The following ASTN1 variants were observed in gnomAD, a reference collection of about 807,000 sequenced individuals.
ASTN1 encodes the protein astrotactin-1.
ASTN1 carries 41 observed loss-of-function variants against 140.7 expected under a neutral mutation model. The ratio of observed to expected loss-of-function variants is 0.29; its 90% CI spans 0.23 to 0.38. The LOEUF is 0.38. ASTN1 is among the 10% of genes least tolerant of loss of function. The probability of loss-of-function intolerance (pLI) is 1.00; values close to 1 mark genes in which losing one functional copy is unlikely to be tolerated. For missense variants in ASTN1, 1,479 were observed against 1,678.8 expected (o/e 0.88, Z 2.08); for synonymous variants, 640 against 652.2 (o/e 0.98, Z 0.29).
At chr1:177,098,732 T>C (rs1467164180) in intron 1 of ASTN1, among the ~76,000 whole-genome samples, 1 of 152,210 alleles carries the variant, frequency 6.6e-6, no homozygotes, top group African/African-American at 2.4e-5. Context: ...TGTGATAAAC[T>C]AATCCCCATT....
intron 8 of ASTN1, among the ~76,000 whole-genome samples, chr1:176,997,407 A>G (rs1674505159): frequency 6.6e-6 from 1 of 152,094 alleles, no homozygotes; most frequent in Admixed American, 6.5e-5. Context: ...TTCCCTTCAG[A>G]TTCAAGTTTC....
At chr1:176,869,662 G>C (rs1196932588) in intron 21 of ASTN1, among the ~76,000 whole-genome samples, 2 of 152,138 alleles carry the variant, frequency 1.3e-5, no homozygotes, top group Non-Finnish European at 2.9e-5. Flanking sequence ...GTCATTCAGG[G>C]GTAGAAGGAA....
Position 176,862,775 on chromosome 1 carries a change from C to T in ASTN1, c.*1509G>A. On this transcript the variant is annotated 3_prime_UTR_variant, in exon 23 of 23. Coordinates refer to ENST00000361833, the MANE Select transcript of ASTN1 (RefSeq NM_004319.3). ...AATTCAATGATACCTAAAGTGCTTA[C>T]ATCAGCGCCTGGCATACAGCAAGCA... The T allele has an allele frequency of 1.0e-6, 1 of 975,872 alleles. No homozygotes were observed. The highest frequency in any genetic ancestry group is 1.2e-6 in the Non-Finnish European group (1 of 821,258). The allele number at this position is 975,872 out of a possible 1,614,324, so 60.5% of individuals were successfully genotyped here.
At chr1:176,995,046 G>C (rs1457771362) in intron 8 of ASTN1, among the ~76,000 whole-genome samples, 1 of 152,150 alleles carries the variant, frequency 6.6e-6, no homozygotes, top group Non-Finnish European at 1.5e-5. Flanking sequence ...TCTCTTTTGT[G>C]GATTGAGAGA....
intron 8 of ASTN1, among the ~76,000 whole-genome samples, chr1:176,975,065 C>T (rs925369165): frequency 2.6e-5 from 4 of 152,212 alleles, no homozygotes; most frequent in African/African-American, 9.6e-5. Flanking sequence ...TCTGTCCCCA[C>T]ATGGGAGAAG....
intron 21 of ASTN1, among the ~76,000 whole-genome samples, chr1:176,871,916 T>C (rs1355851331): frequency 1.3e-5 from 2 of 152,092 alleles, no homozygotes; most frequent in Non-Finnish European, 2.9e-5. Flanking sequence ...AAGATGCAGG[T>C]GAAAATATGG....
chr1:177,086,823 G>A (rs1366350010), intron 1 of ASTN1, among the ~76,000 whole-genome samples: 1 of 152,042 alleles, frequency 6.6e-6, no homozygotes. Context: ...ATTGTTCCAT[G>A]TTCAATAAAT....
Position 177,164,512 on chromosome 1 carries a change from G to A in ASTN1, c.165C>T (p.Ile55=). Residue 55 remains isoleucine, a synonymous_variant, in exon 1 of 23, where the codon ATC becomes ATT. Coordinates refer to ENST00000361833, the MANE Select transcript of ASTN1 (RefSeq NM_004319.3). ...GCTCCGAGGCCGAGGGGCTGTGCAT[G>A]ATGCTCAGGTCGTTCTCGCGCAGGA... is the stretch of plus-strand genomic sequence containing the variant. ...LPFLRENDLS[I]MHSPSASEPK... is the part of the protein sequence containing the mutation. The A allele has an allele frequency of 6.2e-7, 1 of 1,613,958 alleles. No individual in the cohort carries two copies. Among genetic ancestry groups the A allele is most frequent in the Non-Finnish European group, 8.5e-7 (1 of 1,179,944 alleles).
intron 2 of ASTN1, among the ~76,000 whole-genome samples, chr1:177,043,602 C>A (rs143383462): frequency 6.6e-6 from 1 of 152,352 alleles, no homozygotes; most frequent in African/African-American, 2.4e-5. Flanking sequence ...AAATTCTAAT[C>A]AAAACCCTGG....
intron 16 of ASTN1, among the ~76,000 whole-genome samples, chr1:176,900,921 T>A (rs12406916): frequency 0.84 from 127,293 of 152,208 alleles, 53,390 homozygotes; most frequent in Middle Eastern, 0.95. Context: ...CCACATGCCT[T>A]ATATGTAATA....
At chr1:177,106,028 A>G (rs1047918705) in intron 1 of ASTN1, among the ~76,000 whole-genome samples, 16 of 152,110 alleles carry the variant, frequency 1.1e-4, no homozygotes, top group African/African-American at 3.9e-4. Flanking sequence ...AAACAAAAAC[A>G]TGCAGTACAG....
At chr1:176,868,486 T>A (rs936687248) in intron 22 of ASTN1, among the ~76,000 whole-genome samples, 8 of 152,204 alleles carry the variant, frequency 5.3e-5, no homozygotes, top group Non-Finnish European at 1.2e-4. Flanking sequence ...GCAAAAAAAA[T>A]TTTTAGATAT....
chr1:177,010,669 A>G (rs1378147523), intron 8 of ASTN1, among the ~76,000 whole-genome samples: 1 of 152,202 alleles, frequency 6.6e-6, no homozygotes, highest in Non-Finnish European at 1.5e-5. Flanking sequence ...CAAATGTTTC[A>G]ACCTGCCTCA....
chr1:176,994,743 G>A (rs897788696), intron 8 of ASTN1, among the ~76,000 whole-genome samples: 3 of 152,110 alleles, frequency 2.0e-5, no homozygotes, highest in African/African-American at 4.8e-5. Flanking sequence ...CTATAAAGTG[G>A]AGATGGATAA....
chr1:177,163,295 A>G (rs1647497563), intron 1 of ASTN1, among the ~76,000 whole-genome samples: 1 of 152,130 alleles, frequency 6.6e-6, no homozygotes, highest in Non-Finnish European at 1.5e-5. Context: ...CCTGGGCAAA[A>G]TAAGAATAAT....
At chr1:176,945,158 A>T (rs1173571566) in intron 13 of ASTN1, among the ~76,000 whole-genome samples, 1 of 152,138 alleles carries the variant, frequency 6.6e-6, no homozygotes, top group Non-Finnish European at 1.5e-5. Flanking sequence ...ACCACCTAGA[A>T]ATATTCTAAA....
intron 22 of ASTN1, among the ~76,000 whole-genome samples, chr1:176,866,344 C>T (rs1201622355): frequency 2.0e-5 from 3 of 152,242 alleles, no homozygotes; most frequent in East Asian, 3.9e-4. Flanking sequence ...AAACACTCTG[C>T]CTGCTGACTA....
intron 1 of ASTN1, among the ~76,000 whole-genome samples, chr1:177,140,549 G>A (rs1232797179): frequency 6.6e-6 from 1 of 152,146 alleles, no homozygotes; most frequent in Non-Finnish European, 1.5e-5. Flanking sequence ...GGTACATTCT[G>A]TTATCCACAT....
chr1:176,934,943 T>C (rs189626449), intron 15 of ASTN1, among the ~76,000 whole-genome samples: 2 of 152,260 alleles, frequency 1.3e-5, no homozygotes, highest in East Asian at 3.9e-4. Context: ...AAGTCACTAA[T>C]ACACTCCTAT....
Sources: gnomAD v4.1 joint callset for allele counts (sites outside exome capture counted in the v4.1 genomes callset) on GRCh38, gnomAD v4.1.1 for gene constraint, MANE v1.5 for transcripts, NCBI Gene and HGNC (gene_info 2026-07-23, HGNC 2026-07-21) for gene names.